SDK2: variants seen among roughly 807,000 people sequenced by gnomAD.
The protein encoded by SDK2 is protein sidekick-2.
Under a neutral mutation model 253.9 loss-of-function variants are expected in SDK2, and 105 were observed. The ratio of observed to expected loss-of-function variants is 0.41; its 90% CI spans 0.35 to 0.49. SDK2 has a LOEUF of 0.49. Ranked by LOEUF, SDK2 falls within the 20% of genes least tolerant of loss-of-function variation. SDK2 has a pLI of 0.06. For synonymous variants in SDK2, 1,249 were observed against 1,234.9 expected, an observed-to-expected ratio of 1.01 and a Z score of -0.24; for missense variants, 2,608 against 3,003.0, an observed-to-expected ratio of 0.87 and a Z score of 3.07.
In SDK2 at chr17:73,447,566, A is replaced by C; in HGVS notation, c.613+49T>G. Reference sequence around the variant, plus strand: ...ATGATCCCCTGGAGCACCATTGCTAAGATTTAATGGCCCGCTCCAAGATCG... The same window carrying C: ...ATGATCCCCTGGAGCACCATTGCTACGATTTAATGGCCCGCTCCAAGATCG... On this transcript the variant is annotated intron_variant, in intron 5 of 44. Coordinates refer to ENST00000392650, the MANE Select transcript of SDK2 (RefSeq NM_001144952.2). The surrounding 1 kb of genome is among the most constrained non-coding windows in gnomAD (Gnocchi z 4.0). The C allele has an allele frequency of 1.3e-6, 2 of 1,547,508 alleles. No individual in the cohort carries two copies. Among genetic ancestry groups the C allele is most frequent in the Non-Finnish European group, 1.7e-6 (2 of 1,143,520 alleles).
At chr17:73,349,686 G>A (rs552638837) in intron 43 of SDK2, among the ~76,000 whole-genome samples, 1 of 152,350 alleles carries the variant, frequency 6.6e-6, no homozygotes, top group Admixed American at 6.5e-5. Flanking sequence ...TGCCCTTTGA[G>A]GCTGATGGGG....
At chr17:73,555,320 G>A (rs1338537536) in intron 1 of SDK2, among the ~76,000 whole-genome samples, 2 of 152,220 alleles carry the variant, frequency 1.3e-5, no homozygotes, top group Admixed American at 1.3e-4. Flanking sequence ...TGAGGGCAGG[G>A]GGAGCTCATC....
intron 38 of SDK2, among the ~76,000 whole-genome samples, chr17:73,364,902 C>T (rs1217081607): frequency 3.9e-5 from 6 of 152,166 alleles, no homozygotes; most frequent in South Asian, 2.1e-4. Flanking sequence ...TCATTACAGG[C>T]GTGAGCCACC....
In SDK2 at chr17:73,420,788, G is replaced by A. The variant is rs1243009729; in HGVS notation, c.2046-1482C>T. 3.3e-5 allele frequency among the ~76,000 whole-genome samples: 5 copies of A among 152,164 alleles called. No homozygotes were observed. The East Asian group carries it at 7.8e-4, about 24-fold the overall frequency. ...TCTCCCGGGTTCAAGCAATTCTCCT[G>A]TCTCAGCCTCCTGAATAGCTGGGAT... On this transcript the variant is annotated intron_variant, in intron 15 of 44. Transcript: ENST00000392650.
At chr17:73,394,057 G>A (rs1371145846) in intron 26 of SDK2, among the ~76,000 whole-genome samples, 152 bp downstream of exon 26, 1 of 152,164 alleles carries the variant, frequency 6.6e-6, no homozygotes, top group East Asian at 1.9e-4. Context: ...ACTCATGGTT[G>A]CCATGGTGAC....
rs2046246145 is a variant in SDK2 at position 73,629,780 on chromosome 17, G to A, written c.64+14245C>T. 6.6e-6 allele frequency among the ~76,000 whole-genome samples: 1 copy of A among 152,184 alleles called. No individual in the cohort carries two copies. The highest frequency in any genetic ancestry group is 6.5e-5 in the Admixed American group (1 of 15,280). ...TCCTGGGCACCTCACTTAGTATACA[G>A]ATGGTGCTTAGTAAGTGCATGAGAA... On this transcript the variant is annotated intron_variant, in intron 1 of 44. Transcript: ENST00000392650. This position sits in a 1 kb window ranked among gnomAD's most constrained non-coding sequence, Gnocchi z 5.0.
intron 1 of SDK2, among the ~76,000 whole-genome samples, chr17:73,552,448 A>T (rs1255337949): frequency 4.6e-5 from 7 of 152,108 alleles, no homozygotes. Flanking sequence ...ACGCATTGAA[A>T]CTGGAGTGGC....
intron 44 of SDK2, among the ~76,000 whole-genome samples, chr17:73,343,057 C>T (rs1324861632): frequency 6.6e-6 from 1 of 152,194 alleles, no homozygotes; most frequent in Non-Finnish European, 1.5e-5. Flanking sequence ...TAACCCCCGA[C>T]TCCAAGACAG....
At chr17:73,432,842 GTGCATGTGTGTGCACA>G (rs2063338393) in intron 10 of SDK2, among the ~76,000 whole-genome samples, 1 of 152,082 alleles carries the variant, frequency 6.6e-6, no homozygotes, top group Non-Finnish European at 1.5e-5. Flanking sequence ...ATGTATGTGT[GTGCATGTGTGTGCACA>G]TGCGTGTGTG....
intron 2 of SDK2, among the ~76,000 whole-genome samples, chr17:73,502,142 C>T (rs1477722886): frequency 6.6e-6 from 1 of 151,950 alleles, no homozygotes; most frequent in Non-Finnish European, 1.5e-5. Context: ...GGCTACAGAA[C>T]CCAAGAATAA....
rs991980691 is a variant in SDK2, at chr17:73,455,462, C to T, written c.479+444G>A. ...CTCCGCCGCACAGCCAAGACACACA[C>T]AGCCCTCACACACCAGTAAACACCC... On this transcript the variant is annotated intron_variant, in intron 4 of 44. Transcript: ENST00000392650. This position sits in a 1 kb window ranked among gnomAD's most constrained non-coding sequence, Gnocchi z 5.0. 3.9e-5 allele frequency among the ~76,000 whole-genome samples: 6 copies of T among 152,146 alleles called. No homozygotes were observed. The highest frequency in any genetic ancestry group is 2.0e-4 in the Admixed American group (3 of 15,276).
intron 1 of SDK2, among the ~76,000 whole-genome samples, chr17:73,565,045 A>G (rs895042920): frequency 6.6e-6 from 1 of 152,176 alleles, no homozygotes; most frequent in African/African-American, 2.4e-5. Flanking sequence ...AACTTCCCAT[A>G]TTTATGGGTA....
intron 2 of SDK2, among the ~76,000 whole-genome samples, chr17:73,506,893 C>G (rs778928425): frequency 6.6e-5 from 10 of 152,258 alleles, no homozygotes; most frequent in Admixed American, 1.3e-4. Context: ...AAAGGCCAGT[C>G]AGGCCCAAGA....
At chr17:73,563,614 C>T (rs1002345569) in intron 1 of SDK2, among the ~76,000 whole-genome samples, 3 of 152,120 alleles carry the variant, frequency 2.0e-5, no homozygotes, top group Admixed American at 2.0e-4. Flanking sequence ...TGTAATCATT[C>T]TCTAATATAT....
intron 1 of SDK2, among the ~76,000 whole-genome samples, chr17:73,573,141 C>G (rs370032149): frequency 6.6e-6 from 1 of 152,204 alleles, no homozygotes; most frequent in East Asian, 1.9e-4. Context: ...TCCTCACAAT[C>G]AGCACCCCCA....
In SDK2 at chr17:73,443,747, C is replaced by T. The variant is rs1348964704; in HGVS notation, c.614-2824G>A. Among the ~76,000 whole-genome samples, 1 of 152,188 alleles carries T rather than the reference C, an allele frequency of 6.6e-6. No individual in the cohort carries two copies. The highest frequency in any genetic ancestry group is 1.5e-5 in the Non-Finnish European group (1 of 68,034). On this transcript the variant is annotated intron_variant, in intron 5 of 44. Coordinates refer to ENST00000392650, the MANE Select transcript of SDK2 (RefSeq NM_001144952.2). This position sits in a 1 kb window ranked among gnomAD's most constrained non-coding sequence, Gnocchi z 4.6. ...GAAGACCTGGGCTCAAAGCCTAGCT[C>T]TGCCCCCAGGTATCCTGGTGACTTC... is the stretch of plus-strand genomic sequence containing the variant.
At chr17:73,406,371 A>G (rs1256219702) in intron 18 of SDK2, among the ~76,000 whole-genome samples, 1 of 151,724 alleles carries the variant, frequency 6.6e-6, no homozygotes. Context: ...AGCCTCCTGA[A>G]TAGCTGGGAT....
chr17:73,446,621 G>A (rs192125720), intron 5 of SDK2, among the ~76,000 whole-genome samples: 103 of 152,322 alleles, frequency 6.8e-4, no homozygotes, highest in African/African-American at 2.4e-3. Context: ...AAGGCCCCAG[G>A]CTGGTCCACA....
chr17:73,558,039 C>T (rs138009994), intron 1 of SDK2, among the ~76,000 whole-genome samples: 1 of 152,344 alleles, frequency 6.6e-6, no homozygotes, highest in Non-Finnish European at 1.5e-5. Context: ...TTGCTCTATC[C>T]CCCTTTGTCC....
Sources: gnomAD v4.1 joint callset for allele counts (sites outside exome capture counted in the v4.1 genomes callset) on GRCh38, gnomAD v4.1.1 for gene constraint, Gnocchi (gnomAD v3.1) non-coding constraint, MANE v1.5 for transcripts, NCBI Gene and HGNC (gene_info 2026-07-23, HGNC 2026-07-21) for gene names.